The following TRAF5 variants were observed in gnomAD, a reference collection of about 807,000 sequenced individuals.
TRAF5 encodes TNF receptor associated factor 5, also known as TNF receptor-associated factor 5.
A neutral mutation model predicts 64.5 loss-of-function variants in TRAF5; 48 were observed. That is an observed-to-expected ratio of 0.74 (90% CI 0.59 to 0.95). The LOEUF (loss-of-function observed/expected upper bound fraction) is 0.95. Ranked by LOEUF, TRAF5 falls within the 40% of genes least tolerant of loss-of-function variation. The probability of loss-of-function intolerance (pLI) is 0.00; values close to 1 mark genes in which losing one functional copy is unlikely to be tolerated. For synonymous variants in TRAF5, 206 were observed against 240.5 expected (o/e 0.86, Z 1.33); for missense variants, 545 against 662.8 (o/e 0.82, Z 1.95).
chr1:211,341,759 C>A (rs1702453565), intron 1 of TRAF5, among the ~76,000 whole-genome samples: 1 of 152,194 alleles, frequency 6.6e-6, no homozygotes, highest in Non-Finnish European at 1.5e-5. Context: ...CCATGTGCTG[C>A]ATTTTTGTTT....
intron 1 of TRAF5, among the ~76,000 whole-genome samples, chr1:211,346,071 C>T (rs1480005413): frequency 2.6e-5 from 4 of 152,194 alleles, no homozygotes; most frequent in African/African-American, 7.2e-5. Flanking sequence ...CATTCTAGAA[C>T]TTTTGTGATA....
intron 7 of TRAF5, among the ~76,000 whole-genome samples, chr1:211,364,881 C>G (rs775746262): frequency 1.2e-4 from 18 of 151,802 alleles, no homozygotes; most frequent in Non-Finnish European, 2.6e-4. Flanking sequence ...TTGTAGAATC[C>G]TAAAGCTGGG....
intron 2 of TRAF5, 57 bp downstream of exon 2, chr1:211,353,514 C>G: frequency 6.6e-7 from 1 of 1,522,500 alleles, no homozygotes; most frequent in African/African-American, 1.4e-5. Flanking sequence ...CAGGTGGCAA[C>G]TGTGGCCACT....
chr1:211,329,503 G>A (rs748045928), intron 1 of TRAF5, among the ~76,000 whole-genome samples: 7 of 152,204 alleles, frequency 4.6e-5, no homozygotes, highest in Non-Finnish European at 8.8e-5. Flanking sequence ...GCTCAGAAGT[G>A]ATTTGAAAGA....
chr1:211,352,413 G>C (rs1449298959), intron 1 of TRAF5, among the ~76,000 whole-genome samples: 1 of 148,382 alleles, frequency 6.7e-6, no homozygotes. Context: ...ACTTGGGTGG[G>C]GACACAGCCA....
At position 211,361,180 on chromosome 1, in the gene TRAF5, G is replaced by A. The variant is rs1272475843; in HGVS notation, c.696+18G>A. The A allele has an allele frequency of 1.2e-6, 2 of 1,610,610 alleles. No individual in the cohort carries two copies. The highest frequency in any genetic ancestry group is 2.2e-5 in the South Asian group (2 of 90,974). On this transcript the variant is annotated intron_variant, in intron 7 of 10. Coordinates refer to ENST00000261464, the MANE Select transcript of TRAF5 (RefSeq NM_001033910.3). ...CTGTAACGGTATGGAATGACTTTTT[G>A]TTTCTGCCTATACATTCTACTGTAT...
chr1:211,352,730 G>T (rs1702832090), intron 1 of TRAF5, among the ~76,000 whole-genome samples: 1 of 152,186 alleles, frequency 6.6e-6, no homozygotes, highest in South Asian at 2.1e-4. Flanking sequence ...AGTTCTGGAG[G>T]CTGGGAAGTC....
At chr1:211,371,785 T>C (rs1358891667) in intron 10 of TRAF5, among the ~76,000 whole-genome samples, 1 of 152,216 alleles carries the variant, frequency 6.6e-6, no homozygotes, top group African/African-American at 2.4e-5. Context: ...GATGGGATCA[T>C]TGTTTTAGGT....
chr1:211,372,738 C>A lies in TRAF5; in HGVS notation c.*36C>A. ...GGGGTGATAAGAGGACTTCTTGGGG[C>A]CAGAACTGTGGAGGAGAGCACATTT... On this transcript the variant is annotated 3_prime_UTR_variant, in exon 11 of 11. Coordinates refer to ENST00000261464, the MANE Select transcript of TRAF5 (RefSeq NM_001033910.3). 1 of 1,571,506 alleles carries A rather than the reference C, an allele frequency of 6.4e-7. No individual in the cohort carries two copies. The highest frequency in any genetic ancestry group is 1.1e-5 in the South Asian group (1 of 88,610).
At chr1:211,336,454 G>A (rs1702292066) in intron 1 of TRAF5, among the ~76,000 whole-genome samples, 1 of 152,140 alleles carries the variant, frequency 6.6e-6, no homozygotes, top group Non-Finnish European at 1.5e-5. Flanking sequence ...TCCTACCCCA[G>A]GTCAGCCATC....
chr1:211,332,489 A>G lies in TRAF5; in HGVS notation c.-2+5600A>G, dbSNP rs529801603. On this transcript the variant is annotated intron_variant, in intron 1 of 10. Coordinates refer to ENST00000261464, the MANE Select transcript of TRAF5 (RefSeq NM_001033910.3). ...AGGATGGAGGGAGGTGGGTGGGGCT[A>G]AGCTAAGCGGCAGCCATGAAGGTCC... 3.2e-3 allele frequency among the ~76,000 whole-genome samples: 488 copies of G among 152,266 alleles called. 4 individuals are homozygous for G. Among genetic ancestry groups the G allele is most frequent in the Non-Finnish European group, 4.0e-3 (270 of 68,008 alleles).
At position 211,371,448 on chromosome 1, in the gene TRAF5, A is replaced by G. The variant is rs1405653356; in HGVS notation, c.1077A>G (p.Leu359=). Residue 359 remains leucine, a synonymous_variant, in exon 10 of 11, where the codon CTA becomes CTG. Transcript: ENST00000261464. The part of the protein sequence containing the change: ...VDTVKQKITL[L]ENNDQRLAVL... ...CAGTGAAACAGAAAATTACCCTGCT[A>G]GAAAACAATGATCAAAGATTAGGTA... 1.2e-6 allele frequency: 2 copies of G among 1,607,514 alleles called. No homozygotes were observed. Among genetic ancestry groups the G allele is most frequent in the African/African-American group, 1.3e-5 (1 of 74,594 alleles).
chr1:211,361,450 T>C (rs1197018211), intron 7 of TRAF5, among the ~76,000 whole-genome samples: 2 of 152,144 alleles, frequency 1.3e-5, no homozygotes, highest in African/African-American at 4.8e-5. Context: ...TATGCTGCAG[T>C]CTTGAGGAGA....
intron 1 of TRAF5, among the ~76,000 whole-genome samples, chr1:211,348,111 GCA>G (rs1466139487): frequency 7.2e-5 from 11 of 152,158 alleles, no homozygotes; most frequent in African/African-American, 2.4e-4. Flanking sequence ...TTTTACAAAT[GCA>G]CAGAGATGTT....
At chr1:211,343,525 A>G (rs1373849108) in intron 1 of TRAF5, among the ~76,000 whole-genome samples, 1 of 152,124 alleles carries the variant, frequency 6.6e-6, no homozygotes, top group Non-Finnish European at 1.5e-5. Context: ...GGGCTCAAGC[A>G]ATCCTCCCAC....
chr1:211,365,670 C>T (rs1218266691), intron 8 of TRAF5, among the ~76,000 whole-genome samples: 3 of 152,144 alleles, frequency 2.0e-5, no homozygotes, highest in South Asian at 2.1e-4. Flanking sequence ...TGGGTCCATC[C>T]TCCTCATTCA....
chr1:211,332,057 T>A (rs1433616163), intron 1 of TRAF5, among the ~76,000 whole-genome samples: 1 of 152,078 alleles, frequency 6.6e-6, no homozygotes, highest in Non-Finnish European at 1.5e-5. Flanking sequence ...GAAGCTGGGC[T>A]GGGACAGGGT....
In TRAF5 at chr1:211,372,937, C is replaced by G. The variant is rs986570807; in HGVS notation, c.*235C>G. 1.6e-5 allele frequency: 6 copies of G among 365,954 alleles called. No individual in the cohort carries two copies. Among genetic ancestry groups the G allele is most frequent in the Non-Finnish European group, 2.9e-5 (6 of 207,794 alleles). The allele number at this position is 365,954 out of a possible 1,614,324, so 22.7% of individuals were successfully genotyped here. On this transcript the variant is annotated 3_prime_UTR_variant, in exon 11 of 11. Coordinates refer to ENST00000261464, the MANE Select transcript of TRAF5 (RefSeq NM_001033910.3). The stretch of plus-strand genomic sequence containing the variant: ...TCTTATTATTTATATTTTTATATTT[C>G]TTGAAAGATGGTAAGTTTCTTGAAG...
intron 1 of TRAF5, among the ~76,000 whole-genome samples, chr1:211,337,804 G>T (rs1179461155): frequency 6.6e-6 from 1 of 152,196 alleles, no homozygotes; most frequent in African/African-American, 2.4e-5. Context: ...GCTGTGATTG[G>T]TGGTACCATT....
Sources: gnomAD v4.1 joint callset for allele counts (sites outside exome capture counted in the v4.1 genomes callset) on GRCh38, gnomAD v4.1.1 for gene constraint, MANE v1.5 for transcripts, NCBI Gene and HGNC (gene_info 2026-07-23, HGNC 2026-07-21) for gene names.